Variants in SYNPR observed in about 807,000 individuals in gnomAD.
The protein encoded by SYNPR is synaptoporin.
In SYNPR, 23 loss-of-function variants were observed where a neutral mutation model predicts 32.9. The observed-to-expected ratio is 0.70, with a 90% CI of 0.50 to 0.99. The LOEUF (loss-of-function observed/expected upper bound fraction) is 0.99, where lower values mean the gene tolerates loss of function less well. Among genes scored for constraint, SYNPR ranks in the 50% least tolerant of loss-of-function variants. The pLI is 0.00. For synonymous variants in SYNPR, 146 were observed against 135.9 expected (o/e 1.07, Z -0.52); for missense variants, 318 against 349.3 (o/e 0.91, Z 0.71).
chr3:63,251,718 T>C (rs904544914), intron 1 of SYNPR, among the ~76,000 whole-genome samples: 2 of 152,032 alleles, frequency 1.3e-5, no homozygotes, highest in Non-Finnish European at 2.9e-5. Context: ...ACGTAATCAG[T>C]GACCGAGGAC....
chr3:63,466,498 G>T (rs896970397), intron 2 of SYNPR, among the ~76,000 whole-genome samples: 1 of 151,744 alleles, frequency 6.6e-6, no homozygotes, highest in Non-Finnish European at 1.5e-5. Flanking sequence ...TATTGGTGTG[G>T]TCATCTTCCT....
chr3:63,559,298 G>A (rs909724620), intron 4 of SYNPR, among the ~76,000 whole-genome samples: 1 of 151,946 alleles, frequency 6.6e-6, no homozygotes, highest in African/African-American at 2.4e-5. Flanking sequence ...GGCTGGTCTT[G>A]AGCTCCTGGA....
At chr3:63,380,769 A>C (rs1166561538) in intron 2 of SYNPR, among the ~76,000 whole-genome samples, 1 of 152,206 alleles carries the variant, frequency 6.6e-6, no homozygotes, top group African/African-American at 2.4e-5. Context: ...AATAAACGTA[A>C]TCCAGCATAT....
intron 2 of SYNPR, among the ~76,000 whole-genome samples, chr3:63,298,262 A>G (rs1040756521): frequency 6.6e-6 from 1 of 152,196 alleles, no homozygotes; most frequent in African/African-American, 2.4e-5. Flanking sequence ...GGTTAGATTT[A>G]TCTCACTGTT....
intron 3 of SYNPR, among the ~76,000 whole-genome samples, chr3:63,498,569 A>C (rs1701416022): frequency 6.6e-6 from 1 of 152,178 alleles, no homozygotes; most frequent in East Asian, 1.9e-4. Context: ...CAGAGACCTG[A>C]ATAGCAAGAA....
chr3:63,351,396 A>C (rs1041024828), intron 2 of SYNPR: 2 of 152,166 alleles, frequency 1.3e-5, no homozygotes, highest in East Asian at 1.9e-4. Context: ...GTGTGAGTGC[A>C]CCCTAGTAGG....
At chr3:63,259,517 T>C (rs2086419248) in intron 2 of SYNPR, among the ~76,000 whole-genome samples, 1 of 152,114 alleles carries the variant, frequency 6.6e-6, no homozygotes, top group South Asian at 2.1e-4. Flanking sequence ...TTGACAAAAT[T>C]CAACAGCCCT....
chr3:63,469,040 C>T (rs975881144), intron 2 of SYNPR, among the ~76,000 whole-genome samples: 6 of 151,826 alleles, frequency 4.0e-5, no homozygotes, highest in African/African-American at 1.5e-4. Flanking sequence ...CTAAATTGCT[C>T]TATGGATACA....
At chr3:63,211,641 G>C in the SYNPR span, among the ~76,000 whole-genome samples, 1 of 151,982 alleles carries the variant, frequency 6.6e-6, no homozygotes, top group Non-Finnish European at 1.5e-5. Context: ...TGCCATATCA[G>C]CTTCCCAGGG....
chr3:63,315,641 G>C (rs1479551367), intron 2 of SYNPR, among the ~76,000 whole-genome samples: 1 of 151,956 alleles, frequency 6.6e-6, no homozygotes, highest in Non-Finnish European at 1.5e-5. Flanking sequence ...CTTTCTGGAG[G>C]AGTCCTTAGG....
At chr3:63,324,525 C>CAATT (rs2087144200) in intron 2 of SYNPR, among the ~76,000 whole-genome samples, 1 of 152,018 alleles carries the variant, frequency 6.6e-6, no homozygotes. Flanking sequence ...ACAGAGGGAC[C>CAATT]AATTATGGGA....
chr3:63,575,415 G>A (rs1380897839), intron 4 of SYNPR, among the ~76,000 whole-genome samples: 1 of 152,018 alleles, frequency 6.6e-6, no homozygotes, highest in Non-Finnish European at 1.5e-5. Context: ...CACACTCTCA[G>A]CTCCTATTCC....
chr3:63,244,861 A>G (rs1351267159), intron 1 of SYNPR, among the ~76,000 whole-genome samples: 5 of 152,132 alleles, frequency 3.3e-5, no homozygotes, highest in Non-Finnish European at 7.4e-5. Context: ...GCAGACATAG[A>G]AAGCTCTTCT....
chr3:63,408,307 GGAAGGAAGGAAGGAAA>G (rs1319545197), intron 2 of SYNPR, among the ~76,000 whole-genome samples: 2 of 89,070 alleles, frequency 2.2e-5, no homozygotes, highest in African/African-American at 1.4e-4. Flanking sequence ...AAGGAAGGAA[GGAAGGAAGGAAGGAAA>G]GAAAGAAAGA....
At chr3:63,241,779 T>G (rs2086245872) in intron 1 of SYNPR, among the ~76,000 whole-genome samples, 1 of 152,084 alleles carries the variant, frequency 6.6e-6, no homozygotes, top group African/African-American at 2.4e-5. Context: ...ATAAGAAAAT[T>G]TATCTTTTTT....
At chr3:63,225,827 T>G (rs2086124243), upstream of SYNPR, among the ~76,000 whole-genome samples, 1 of 152,130 alleles carries the variant, frequency 6.6e-6, no homozygotes, top group Non-Finnish European at 1.5e-5. Context: ...ACTAAAAAGC[T>G]TCTGCACAGC....
intron 4 of SYNPR, among the ~76,000 whole-genome samples, chr3:63,583,428 A>T (rs1216291455): frequency 6.6e-6 from 1 of 152,090 alleles, no homozygotes; most frequent in Non-Finnish European, 1.5e-5. Flanking sequence ...AGATAAAGAA[A>T]ATATAAGTTT....
At chr3:63,524,570 A>T (rs1034211770) in intron 3 of SYNPR, among the ~76,000 whole-genome samples, 2 of 152,070 alleles carry the variant, frequency 1.3e-5, no homozygotes, top group African/African-American at 4.8e-5. Context: ...GCAATGGCTC[A>T]CTGATGGTCA....
the SYNPR span, among the ~76,000 whole-genome samples, chr3:63,211,859 C>CG: frequency 8.9e-6 from 1 of 112,776 alleles, no homozygotes; most frequent in African/African-American, 3.5e-5. Context: ...TCCCTCCCCC[C>CG]TCCCCCGACC....
Sources: gnomAD v4.1 joint callset for allele counts (sites outside exome capture counted in the v4.1 genomes callset) on GRCh38, gnomAD v4.1.1 for gene constraint, MANE v1.5 for transcripts, NCBI Gene and HGNC (gene_info 2026-07-23, HGNC 2026-07-21) for gene names.